Variants in IFT88 observed in about 807,000 individuals in gnomAD.
IFT88 encodes intraflagellar transport protein 88 homolog.
In IFT88, 74 loss-of-function variants were observed where a neutral mutation model predicts 119.5. The ratio of observed to expected loss-of-function variants is 0.62; its 90% confidence interval spans 0.51 to 0.75. The LOEUF (loss-of-function observed/expected upper bound fraction) is 0.75. Ranked by LOEUF, IFT88 falls within the 30% of genes least tolerant of loss-of-function variation. The pLI is 0.00. For synonymous variants in IFT88, 279 were observed against 316.7 expected (o/e 0.88, Z 1.26); for missense variants, 961 against 977.7 (o/e 0.98, Z 0.23).
rs528587128 is a variant in IFT88, at chr13:20,626,043, C to CTTTTTTTTTTTTTTTTTTTTT, written c.1299+209_1299+229dup. ...ATTAATTTTTGCCTGTTTGTCGTTT[C>CTTTTTTTTTTTTTTTTTTTTT]TTTTTTTTTTTTTTTTTTTTTTTTT... On this transcript the variant is annotated intron_variant, in intron 15 of 25. Coordinates refer to ENST00000351808, the MANE Select transcript of IFT88 (RefSeq NM_006531.5). Among the ~76,000 whole-genome samples, 2 of 39,574 alleles carry CTTTTTTTTTTTTTTTTTTTTT rather than the reference C, an allele frequency of 5.1e-5. 1 individual carries two copies. Among genetic ancestry groups the CTTTTTTTTTTTTTTTTTTTTT allele is most frequent in the African/African-American group, 2.3e-4 (2 of 8,582 alleles). The allele number at this position is 39,574 out of a possible 152,430, so 26.0% of individuals were successfully genotyped here.
At chr13:20,621,526 TAAAAA>T (rs200491393) in intron 14 of IFT88, among the ~76,000 whole-genome samples, 31 of 130,772 alleles carry the variant, frequency 2.4e-4, no homozygotes, top group African/African-American at 7.6e-4. Context: ...CCTGCTGAGA[TAAAAA>T]AAAAAAAAAA....
chr13:20,673,186 A>G (rs1434436922), intron 24 of IFT88, among the ~76,000 whole-genome samples: 1 of 152,178 alleles, frequency 6.6e-6, no homozygotes, highest in East Asian at 1.9e-4. Flanking sequence ...ATAACCAACC[A>G]GTTCCTTCTA....
intron 2 of IFT88, among the ~76,000 whole-genome samples, chr13:20,576,483 T>C (rs2037403478): frequency 6.6e-6 from 1 of 152,196 alleles, no homozygotes; most frequent in South Asian, 2.1e-4. Flanking sequence ...TTTCTTTTAG[T>C]AGTTTCATAG....
intron 7 of IFT88, 98 bp downstream of exon 7, chr13:20,592,502 C>G: frequency 2.5e-6 from 2 of 797,624 alleles, no homozygotes. Flanking sequence ...TGATATCTCA[C>G]TCTGTTGCCC....
At chr13:20,610,865 G>C (rs992065237) in intron 13 of IFT88, among the ~76,000 whole-genome samples, 1 of 152,116 alleles carries the variant, frequency 6.6e-6, no homozygotes, top group Admixed American at 6.5e-5. Flanking sequence ...GTGGCCAAGC[G>C]TGGTGGCTCT....
At chr13:20,655,468 A>G (rs1051255259) in intron 21 of IFT88, among the ~76,000 whole-genome samples, 5 of 150,978 alleles carry the variant, frequency 3.3e-5, no homozygotes, top group Non-Finnish European at 7.4e-5. Context: ...AAAAAACCAC[A>G]CATTTATTTA....
intron 23 of IFT88, among the ~76,000 whole-genome samples, chr13:20,665,086 A>C (rs1259302552): frequency 6.6e-6 from 1 of 152,148 alleles, no homozygotes; most frequent in Non-Finnish European, 1.5e-5. Flanking sequence ...CTCAAAAAAA[A>C]AAAAAGACAA....
At chr13:20,599,424 T>G (rs1417033459) in intron 10 of IFT88, 27 bp from the exon 11 acceptor site, 1 of 784,888 alleles carries the variant, frequency 1.3e-6, no homozygotes, top group Admixed American at 2.3e-5. Flanking sequence ...GAGAGTATTA[T>G]ACATTCATTA....
chr13:20,639,941 A>C (rs967384240), intron 17 of IFT88, among the ~76,000 whole-genome samples: 1 of 151,638 alleles, frequency 6.6e-6, no homozygotes, highest in Non-Finnish European at 1.5e-5. Context: ...GGTGCGCTCC[A>C]CTACGCCCGT....
intron 11 of IFT88, 25 bp from the exon 12 acceptor site, chr13:20,601,680 G>C: frequency 6.8e-7 from 1 of 1,481,426 alleles, no homozygotes; most frequent in Non-Finnish European, 9.4e-7. Context: ...GAATTTTAAA[G>C]CTAATCCATG....
At chr13:20,677,418 T>C (rs760302131) in intron 24 of IFT88, among the ~76,000 whole-genome samples, 1 of 152,216 alleles carries the variant, frequency 6.6e-6, no homozygotes, top group Non-Finnish European at 1.5e-5. Context: ...TATTATGTCA[T>C]CTGAGCTGAT....
At chr13:20,688,794 A>G (rs544912053) in intron 24 of IFT88, among the ~76,000 whole-genome samples, 4 of 152,250 alleles carry the variant, frequency 2.6e-5, no homozygotes, top group South Asian at 4.1e-4. Context: ...TGGTGCTGTC[A>G]TAGCTCATTG....
intron 24 of IFT88, among the ~76,000 whole-genome samples, chr13:20,681,196 G>A (rs918386607): frequency 2.0e-5 from 3 of 152,202 alleles, no homozygotes; most frequent in African/African-American, 7.2e-5. Flanking sequence ...GACATTGTCC[G>A]TTTTAACAGA....
intron 14 of IFT88, among the ~76,000 whole-genome samples, chr13:20,619,395 T>C (rs539738720): frequency 2.0e-4 from 31 of 152,304 alleles, no homozygotes; most frequent in African/African-American, 7.2e-4. Flanking sequence ...CTTCCTTGCT[T>C]TTCTTCATTC....
At chr13:20,568,326 C>T (rs1003294689) in intron 1 of IFT88, among the ~76,000 whole-genome samples, 1 of 152,184 alleles carries the variant, frequency 6.6e-6, no homozygotes, top group Admixed American at 6.5e-5. Context: ...GGTTGTATAA[C>T]AACAGTTGTT....
At chr13:20,681,474 C>G (rs986995200) in intron 24 of IFT88, among the ~76,000 whole-genome samples, 4 of 152,246 alleles carry the variant, frequency 2.6e-5, no homozygotes, top group African/African-American at 9.6e-5. Flanking sequence ...ATAGCTTTAG[C>G]TTCTTTCCAG....
chr13:20,647,700 A>G (rs1288661193), intron 20 of IFT88, among the ~76,000 whole-genome samples: 1 of 152,198 alleles, frequency 6.6e-6, no homozygotes, highest in East Asian at 1.9e-4. Flanking sequence ...GATGGTTATT[A>G]TAAGACACCA....
intron 20 of IFT88, among the ~76,000 whole-genome samples, chr13:20,653,144 A>G (rs1035900650): frequency 6.6e-6 from 1 of 152,110 alleles, no homozygotes; most frequent in East Asian, 1.9e-4. Context: ...TAGGCAATGG[A>G]TTTGAAGTTA....
At chr13:20,656,486 C>A in intron 22 of IFT88, 56 bp downstream of exon 22, 3 of 775,706 alleles carry the variant, frequency 3.9e-6, no homozygotes, top group Non-Finnish European at 6.2e-6. Flanking sequence ...ATTTTATGTT[C>A]TAATATATAA....
Sources: allele counts gnomAD v4.1 joint callset (sites outside exome capture counted in the v4.1 genomes callset), GRCh38; gene constraint gnomAD v4.1.1; transcripts MANE v1.5; gene names NCBI Gene and HGNC (gene_info 2026-07-23, HGNC 2026-07-21).